The following EGF variants were observed in gnomAD, a reference collection of about 807,000 sequenced individuals.
The protein encoded by EGF is pro-epidermal growth factor.
EGF carries 95 observed loss-of-function variants against 143.8 expected under a neutral mutation model. That is an observed-to-expected ratio of 0.66 (90% CI 0.56 to 0.78). EGF has a LOEUF of 0.78. Among genes scored for constraint, EGF ranks in the 30% least tolerant of loss-of-function variants. The probability of loss-of-function intolerance (pLI) is 0.00; values close to 1 mark genes in which losing one functional copy is unlikely to be tolerated. For missense variants in EGF, 1,320 were observed against 1,470.9 expected, an observed-to-expected ratio of 0.90 and a Z score of 1.68; for synonymous variants, 510 against 510.5, an observed-to-expected ratio of 1.00 and a Z score of 0.01.
rs1483576812 is a variant in EGF at position 109,988,661 on chromosome 4, G to A, written c.2686G>A (p.Val896Ile). ...GTGCATCAACACCGAAGGTGGTTATGTCTGCCGGTGCTCAGAAGGCTACCA... is the reference window on the plus strand; with the variant it reads ...GTGCATCAACACCGAAGGTGGTTATATCTGCCGGTGCTCAGAAGGCTACCA... ...SKCINTEGGY[V>I]CRCSEGYQGD... Residue 896 changes from valine to isoleucine, a missense_variant, in exon 18 of 24, where the codon GTC becomes ATC. Val to Ile is a conservative substitution (Grantham distance 29). Coordinates refer to ENST00000265171, the MANE Select transcript of EGF (RefSeq NM_001963.6). The A allele has an allele frequency of 3.7e-6, 6 of 1,614,082 alleles. No individual in the cohort carries two copies. The highest frequency in any genetic ancestry group is 5.1e-6 in the Non-Finnish European group (6 of 1,179,930).
At chr4:109,932,720 C>G (rs1410804751) in intron 1 of EGF, among the ~76,000 whole-genome samples, 2 of 151,884 alleles carry the variant, frequency 1.3e-5, no homozygotes, top group African/African-American at 4.8e-5. Flanking sequence ...ATTGATCTCA[C>G]CAATATGTCA....
chr4:109,979,820 G>A, intron 13 of EGF, 152 bp from the exon 14 acceptor site: 1 of 805,012 alleles, frequency 1.2e-6, no homozygotes, highest in Non-Finnish European at 2.0e-6. Context: ...CTTGAGGCAG[G>A]TGTGTGAGTC....
intron 5 of EGF, among the ~76,000 whole-genome samples, chr4:109,946,781 C>G (rs1742937302): frequency 6.6e-6 from 1 of 152,158 alleles, no homozygotes. Context: ...AATCTAGTCA[C>G]AGTCCCAAAT....
intron 5 of EGF, among the ~76,000 whole-genome samples, chr4:109,954,724 A>T (rs938354216): frequency 6.6e-6 from 1 of 152,302 alleles, no homozygotes; most frequent in African/African-American, 2.4e-5. Context: ...TATTTATGCA[A>T]ATGCATAAAT....
chr4:109,986,909 A>G (rs1232216709), intron 16 of EGF, among the ~76,000 whole-genome samples: 5 of 152,222 alleles, frequency 3.3e-5, no homozygotes, highest in Non-Finnish European at 7.3e-5. Flanking sequence ...AAGTCACTAC[A>G]TAAATCTTGA....
At chr4:109,950,120 A>G (rs937281756) in intron 5 of EGF, among the ~76,000 whole-genome samples, 1 of 152,104 alleles carries the variant, frequency 6.6e-6, no homozygotes, top group African/African-American at 2.4e-5. Context: ...GCTCAGTAAA[A>G]ATATCCTTTT....
intron 1 of EGF, among the ~76,000 whole-genome samples, chr4:109,935,881 C>T (rs1216477715): frequency 6.6e-6 from 1 of 152,138 alleles, no homozygotes; most frequent in Admixed American, 6.5e-5. Context: ...AGTCTTGCAT[C>T]CCAGGGGTGA....
chr4:110,008,224 G>T lies in EGF; in HGVS notation c.3364G>T (p.Ala1122Ser). ...QPVAGEDGQA[A>S]DGSMQPTSWR... ...AGTGGCTGGTGAGGATGGCCAGGCA[G>T]CAGATGGTCAGTTTTTATCCCTGGC... Residue 1122 changes from alanine to serine, a missense_variant, in exon 23 of 24, where the codon GCA becomes TCA. By Grantham distance (99) the Ala-to-Ser change is moderately conservative. This residue lies in a region of EGF where 1,186 missense variants were observed against 1,313.7 expected (regional missense o/e 0.90). Transcript: ENST00000265171. The T allele has an allele frequency of 6.2e-7, 1 of 1,614,022 alleles. No individual in the cohort carries two copies. The highest frequency in any genetic ancestry group is 1.1e-5 in the South Asian group (1 of 91,078).
intron 16 of EGF, among the ~76,000 whole-genome samples, chr4:109,986,668 T>A (rs1750163907): frequency 6.6e-6 from 1 of 152,022 alleles, no homozygotes; most frequent in South Asian, 2.1e-4. Context: ...TATATCCTAC[T>A]GTGGTATGTC....
chr4:109,941,338 G>T (rs1741894284), intron 2 of EGF, among the ~76,000 whole-genome samples, 193 bp downstream of exon 2: 1 of 152,112 alleles, frequency 6.6e-6, no homozygotes, highest in Non-Finnish European at 1.5e-5. Flanking sequence ...ATATTTAGAA[G>T]CCCCAAAATG....
chr4:109,981,270 A>G (rs914237176), intron 15 of EGF, among the ~76,000 whole-genome samples: 1 of 152,268 alleles, frequency 6.6e-6, no homozygotes, highest in East Asian at 1.9e-4. Flanking sequence ...AAATGCTATC[A>G]CCTCACAAAA....
chr4:109,988,717 G>T lies in EGF; in HGVS notation c.2734+8G>T. On this transcript the variant is annotated splice_region_variant and intron_variant, in intron 18 of 23. Coordinates refer to ENST00000265171, the MANE Select transcript of EGF (RefSeq NM_001963.6). The stretch of plus-strand genomic sequence containing the variant: ...ATGGGATTCACTGTCTTGGTAAGAG[G>T]ACACATGTGCTGGGGAGGAGGGCAG... 6.2e-7 allele frequency: 1 copy of T among 1,613,776 alleles called. No homozygotes were observed. The highest frequency in any genetic ancestry group is 8.5e-7 in the Non-Finnish European group (1 of 1,179,804).
At chr4:109,976,464 GA>G (rs1186823416) in intron 13 of EGF, among the ~76,000 whole-genome samples, 1 of 152,128 alleles carries the variant, frequency 6.6e-6, no homozygotes, top group African/African-American at 2.4e-5. Context: ...CCCAAAATCA[GA>G]ATGAAAATAT....
intron 20 of EGF, among the ~76,000 whole-genome samples, chr4:109,997,823 A>G (rs772292849): frequency 3.3e-5 from 5 of 152,096 alleles, no homozygotes; most frequent in Non-Finnish European, 7.4e-5. Flanking sequence ...TGATGGCACC[A>G]CTGCACTCCA....
intron 11 of EGF, 123 bp downstream of exon 11, chr4:109,969,242 G>T (rs1315355252): frequency 7.7e-7 from 1 of 1,304,818 alleles, no homozygotes; most frequent in Non-Finnish European, 1.1e-6. Context: ...TGGGATTGGA[G>T]AAAAGAGGCC....
At chr4:109,980,240 G>C in intron 14 of EGF, 101 bp downstream of exon 14, 1 of 1,263,880 alleles carries the variant, frequency 7.9e-7, no homozygotes, top group South Asian at 1.6e-5. Flanking sequence ...AGGGGATTTT[G>C]TAACTTTCAC....
chr4:109,970,587 G>A lies in EGF; in HGVS notation c.1724+1468G>A, dbSNP rs573527292. Among the ~76,000 whole-genome samples the A allele has an allele frequency of 3.4e-4, 51 of 152,096 alleles. 1 individual carries two copies. The highest frequency in any genetic ancestry group is 1.1e-3 in the African/African-American group (44 of 41,474). On this transcript the variant is annotated intron_variant, in intron 11 of 23. Coordinates refer to ENST00000265171, the MANE Select transcript of EGF (RefSeq NM_001963.6). ...TTAAAAATCTGTTGATGTGCTTTGG[G>A]AGGCCAAGGTGGGCAGATCACAAGG... is the stretch of plus-strand genomic sequence containing the variant.
chr4:109,947,397 T>A (rs577034118), intron 5 of EGF, among the ~76,000 whole-genome samples: 3 of 151,934 alleles, frequency 2.0e-5, no homozygotes, highest in African/African-American at 7.2e-5. Flanking sequence ...TTTTTTAAGA[T>A]GGAGTCTTGC....
intron 20 of EGF, among the ~76,000 whole-genome samples, chr4:109,999,186 C>A (rs1195351504): frequency 6.6e-6 from 1 of 152,080 alleles, no homozygotes; most frequent in Non-Finnish European, 1.5e-5. Flanking sequence ...GTTTTCTCTG[C>A]AGACTAGGTT....
Sources: allele counts gnomAD v4.1 joint callset (sites outside exome capture counted in the v4.1 genomes callset), GRCh38; gene constraint gnomAD v4.1.1; regional missense constraint gnomAD v4.1.1; transcripts MANE v1.5; gene names NCBI Gene and HGNC (gene_info 2026-07-23, HGNC 2026-07-21).